DAB2IP: variants seen among roughly 807,000 people sequenced by gnomAD.
The protein encoded by DAB2IP is DAB2 interacting protein.
Under a neutral mutation model 107.2 loss-of-function variants are expected in DAB2IP, and 28 were observed. The observed-to-expected ratio is 0.26, with a 90% CI of 0.19 to 0.36. The LOEUF (loss-of-function observed/expected upper bound fraction) is 0.36. Among genes scored for constraint, DAB2IP ranks in the 10% least tolerant of loss-of-function variants. The pLI is 1.00. For missense variants in DAB2IP, 1,400 were observed against 1,644.7 expected (o/e 0.85, Z 2.57); for synonymous variants, 755 against 706.4 (o/e 1.07, Z -1.09).
chr9:121,740,885 A>G (rs1832289114), intron 3 of DAB2IP, among the ~76,000 whole-genome samples: 1 of 152,214 alleles, frequency 6.6e-6, no homozygotes, highest in Non-Finnish European at 1.5e-5. Context: ...GACTCAGGAA[A>G]GTAAAAGGAT....
intron 1 of DAB2IP, among the ~76,000 whole-genome samples, chr9:121,590,279 C>T (rs1032234653): frequency 1.6e-4 from 24 of 150,426 alleles, no homozygotes; most frequent in Non-Finnish European, 2.8e-4. Context: ...CTCCTTCTGG[C>T]CCCTCCTTCC....
intron 3 of DAB2IP, among the ~76,000 whole-genome samples, chr9:121,715,693 A>G (rs1364111331): frequency 6.6e-6 from 1 of 152,302 alleles, no homozygotes; most frequent in South Asian, 2.1e-4. Context: ...TGCCAGGTCA[A>G]CTAGTGACTC....
intron 1 of DAB2IP, among the ~76,000 whole-genome samples, chr9:121,619,655 T>C (rs539763555): frequency 6.6e-5 from 10 of 152,342 alleles, no homozygotes; most frequent in African/African-American, 2.4e-4. Context: ...AGTTGGGACT[T>C]GGTAAGAATT....
rs1589434074 is a variant in DAB2IP, at chr9:121,635,139, G to A, written c.41-43539G>A. Among the ~76,000 whole-genome samples the A allele has an allele frequency of 6.6e-6, 1 of 152,302 alleles. No individual in the cohort carries two copies. The highest frequency in any genetic ancestry group is 3.4e-3 in the Middle Eastern group (1 of 294). Reference sequence around the variant, plus strand: ...AGGGGGCTGGAGAGGCCAGGCCTCCGTGTGGCCGGTCAATGCCTCAGGAGG... The same window carrying A: ...AGGGGGCTGGAGAGGCCAGGCCTCCATGTGGCCGGTCAATGCCTCAGGAGG... On this transcript the variant is annotated intron_variant, in intron 1 of 16. Coordinates refer to the DAB2IP transcript ENST00000259371. The surrounding 1 kb of genome is among the most constrained non-coding windows in gnomAD (Gnocchi z 4.3).
intron 3 of DAB2IP, among the ~76,000 whole-genome samples, chr9:121,716,224 T>C (rs1830596527): frequency 6.6e-6 from 1 of 152,180 alleles, no homozygotes; most frequent in Admixed American, 6.5e-5. Flanking sequence ...GAGTATACTT[T>C]TATCTTCCTG....
chr9:121,678,867 C>T (rs889519786), intron 2 of DAB2IP, 86 bp downstream of exon 2: 3 of 1,267,998 alleles, frequency 2.4e-6, no homozygotes, highest in African/African-American at 3.1e-5. Flanking sequence ...CCACGGCCCC[C>T]CTTCCTGGAG....
rs558638900 is a variant in DAB2IP, at chr9:121,762,627, G to A, written c.1171-878G>A. Reference sequence around the variant, plus strand: ...GAATTTCTTGAGCACAGATGCCTGGGTCCACCCCTCCTGGGCACCTTGCAG... The same window carrying A: ...GAATTTCTTGAGCACAGATGCCTGGATCCACCCCTCCTGGGCACCTTGCAG... On this transcript the variant is annotated intron_variant, in intron 6 of 15. Transcript: ENST00000408936. Among the ~76,000 whole-genome samples, 6 of 152,298 alleles carry A rather than the reference G, an allele frequency of 3.9e-5. No individual in the cohort carries two copies. In the East Asian group the frequency reaches 9.7e-4, roughly 25 times the overall value.
chr9:121,655,058 T>G (rs1396693406), intron 1 of DAB2IP, among the ~76,000 whole-genome samples: 17 of 152,108 alleles, frequency 1.1e-4, no homozygotes, highest in Admixed American at 9.8e-4. Flanking sequence ...GGTTCTTCCC[T>G]TTTCTGGGCT....
At chr9:121,750,661 C>T (rs938756854) in intron 3 of DAB2IP, among the ~76,000 whole-genome samples, 9 of 152,162 alleles carry the variant, frequency 5.9e-5, no homozygotes, top group African/African-American at 2.2e-4. Flanking sequence ...ACTCTCAATT[C>T]CCCCCACCCA....
chr9:121,628,644 G>A (rs567062844), intron 1 of DAB2IP, among the ~76,000 whole-genome samples: 33 of 152,304 alleles, frequency 2.2e-4, no homozygotes, highest in African/African-American at 7.7e-4. Flanking sequence ...AGAATGAAGA[G>A]GCAGTGTCTC....
chr9:121,739,526 G>A (rs1331764012), intron 3 of DAB2IP, among the ~76,000 whole-genome samples: 2 of 152,194 alleles, frequency 1.3e-5, no homozygotes, highest in Non-Finnish European at 2.9e-5. Flanking sequence ...GAGGCTGCCC[G>A]GACAGCAGGC....
intron 3 of DAB2IP, among the ~76,000 whole-genome samples, chr9:121,756,094 C>T (rs1431402913): frequency 6.6e-6 from 1 of 152,188 alleles, no homozygotes; most frequent in Non-Finnish European, 1.5e-5. Context: ...AGCCTGTCCT[C>T]ACGCTTTTCC....
At position 121,640,648 on chromosome 9, in the gene DAB2IP, AGGGGCTG is replaced by A. The variant is rs1427688610; in HGVS notation, c.41-38027_41-38021del. Reference sequence around the variant, plus strand: ...TTCAGCATCAGAGTCAGGAGGGACTAGGGGCTGGGCTACAGGCTAAACTCCAGCCCCA... The same window carrying A: ...TTCAGCATCAGAGTCAGGAGGGACTAGGCTACAGGCTAAACTCCAGCCCCA... On this transcript the variant is annotated intron_variant, in intron 1 of 16. Transcript: ENST00000259371. Among the ~76,000 whole-genome samples the A allele has an allele frequency of 7.2e-5, 11 of 152,274 alleles. No homozygotes were observed. The East Asian group carries it at 2.1e-3, about 29-fold the overall frequency.
intron 1 of DAB2IP, among the ~76,000 whole-genome samples, chr9:121,611,377 C>T (rs1468594407): frequency 1.3e-5 from 2 of 152,090 alleles, no homozygotes; most frequent in African/African-American, 4.8e-5. Flanking sequence ...AACTCGTTCC[C>T]ACCCCAAGGA....
At chr9:121,756,915 C>T in intron 3 of DAB2IP, 98 bp from the exon 4 acceptor site, 2 of 1,534,576 alleles carry the variant, frequency 1.3e-6, no homozygotes, top group South Asian at 1.1e-5. Context: ...GAGTGGCTGC[C>T]TGCTGGAAGG....
chr9:121,591,474 C>G (rs1023726969), intron 1 of DAB2IP, among the ~76,000 whole-genome samples: 2 of 152,000 alleles, frequency 1.3e-5, no homozygotes, highest in African/African-American at 4.8e-5. Flanking sequence ...TGTTCTCCTG[C>G]CAAGAAAAAA....
intron 2 of DAB2IP, among the ~76,000 whole-genome samples, chr9:121,685,848 T>C (rs1392990077): frequency 6.6e-6 from 1 of 152,024 alleles, no homozygotes; most frequent in Non-Finnish European, 1.5e-5. Flanking sequence ...GGCCAGGACA[T>C]GGGAAACAGC....
At chr9:121,620,323 C>T (rs1222292748) in intron 1 of DAB2IP, among the ~76,000 whole-genome samples, 1 of 152,134 alleles carries the variant, frequency 6.6e-6, no homozygotes, top group African/African-American at 2.4e-5. Context: ...CAGCTCCTTC[C>T]ACACTGAAAA....
chr9:121,756,871 C>A, intron 3 of DAB2IP, 142 bp from the exon 4 acceptor site: 1 of 1,150,562 alleles, frequency 8.7e-7, no homozygotes, highest in Non-Finnish European at 1.3e-6. Flanking sequence ...GCCCCCAGAT[C>A]TGTCTTAAGA....
Sources: gnomAD v4.1 joint callset for allele counts (sites outside exome capture counted in the v4.1 genomes callset) on GRCh38, gnomAD v4.1.1 for gene constraint, Gnocchi (gnomAD v3.1) non-coding constraint, MANE v1.5 for transcripts, NCBI Gene and HGNC (gene_info 2026-07-23, HGNC 2026-07-21) for gene names.